The following KIAA1958 variants were observed in gnomAD, a reference collection of about 807,000 sequenced individuals.
KIAA1958 encodes the protein uncharacterized protein KIAA1958.
Under a neutral mutation model 47.2 loss-of-function variants are expected in KIAA1958, and 14 were observed. The ratio of observed to expected loss-of-function variants is 0.30; its 90% CI spans 0.20 to 0.46. KIAA1958 has a LOEUF of 0.46. Ranked by LOEUF, KIAA1958 falls within the 20% of genes least tolerant of loss-of-function variation. KIAA1958 has a pLI of 1.00. For synonymous variants in KIAA1958, 354 were observed against 353.3 expected (o/e 1.00, Z -0.02); for missense variants, 803 against 909.2 (o/e 0.88, Z 1.50).
chr9:112,591,153 G>A lies in KIAA1958; in HGVS notation c.1171+15902G>A, dbSNP rs574603022. 9.2e-5 allele frequency among the ~76,000 whole-genome samples: 14 copies of A among 152,084 alleles called. No individual in the cohort carries two copies. In the South Asian group the frequency reaches 1.2e-3, roughly 14 times the overall value. On this transcript the variant is annotated intron_variant, in intron 2 of 3. Transcript: ENST00000337530. ...GGCTGGAGTGCTGTGGTGCCACCTC[G>A]GCTCACTGCAAGCTCTGCCTCCCGG...
At chr9:112,617,121 TAAAAAG>T (rs72431332) in intron 2 of KIAA1958, among the ~76,000 whole-genome samples, 14,439 of 152,200 alleles carry the variant, frequency 0.095, 895 homozygotes, top group Middle Eastern at 0.18. Context: ...AATAAAGTAA[TAAAAAG>T]AAACAGTGGA....
chr9:112,547,694 A>G (rs1038179056), intron 1 of KIAA1958, among the ~76,000 whole-genome samples: 1 of 152,232 alleles, frequency 6.6e-6, no homozygotes, highest in African/African-American at 2.4e-5. Flanking sequence ...ATATTTTGAA[A>G]TGACCCTGCG....
chr9:112,574,339 A>T lies in KIAA1958; in HGVS notation c.259A>T (p.Ile87Leu), dbSNP rs765158426. 6 of 1,614,184 alleles carry T rather than the reference A, an allele frequency of 3.7e-6. No individual in the cohort carries two copies. Among genetic ancestry groups the T allele is most frequent in the Non-Finnish European group, 5.1e-6 (6 of 1,180,022 alleles). Residue 87 changes from isoleucine (I) to leucine (L), a missense_variant, in exon 2 of 4, where the codon ATA becomes TTA. Transcript: ENST00000337530. ...AAGTTTTAACTCTGATAGTCCCAGT[A>T]TAATCGGGGTGCCCTCTGAGACACA... Reference protein sequence around the residue: ...NRSFNSDSPSIIGVPSETQTS... With the variant: ...NRSFNSDSPSLIGVPSETQTS...
At chr9:112,593,907 C>G (rs1157723268) in intron 2 of KIAA1958, among the ~76,000 whole-genome samples, 2 of 151,814 alleles carry the variant, frequency 1.3e-5, no homozygotes, top group African/African-American at 4.8e-5. Flanking sequence ...CTCTGTCACC[C>G]AGGCTGGAGT....
chr9:112,526,906 T>G (rs1266204426), intron 1 of KIAA1958, among the ~76,000 whole-genome samples: 1 of 152,224 alleles, frequency 6.6e-6, no homozygotes, highest in Non-Finnish European at 1.5e-5. Context: ...AAATCCTCTC[T>G]GGACAGCTCC....
chr9:112,487,632 G>A (rs2132747820), intron 1 of KIAA1958, among the ~76,000 whole-genome samples: 1 of 152,300 alleles, frequency 6.6e-6, no homozygotes, highest in East Asian at 1.9e-4. Context: ...TGCGTTTGGG[G>A]CGTGTGTGAA....
chr9:112,519,306 A>G (rs960450633), intron 1 of KIAA1958, among the ~76,000 whole-genome samples: 2 of 152,154 alleles, frequency 1.3e-5, no homozygotes, highest in Non-Finnish European at 2.9e-5. Context: ...ATGTGCTATT[A>G]TCATACTTAT....
At chr9:112,542,906 G>A (rs1042815946) in intron 1 of KIAA1958, among the ~76,000 whole-genome samples, 3 of 152,212 alleles carry the variant, frequency 2.0e-5, no homozygotes. Context: ...GACTGGTATG[G>A]CAGGCAGTAT....
rs185427232 is a variant in KIAA1958 at position 112,599,371 on chromosome 9, C to T, written c.1171+24120C>T. Among the ~76,000 whole-genome samples, 7 of 52,736 alleles carry T rather than the reference C, an allele frequency of 1.3e-4. No individual in the cohort carries two copies. The East Asian group carries it at 2.5e-3, about 19-fold the overall frequency. 34.6% of individuals were successfully genotyped at this position (52,736 alleles called of 152,430 possible). On this transcript the variant is annotated intron_variant, in intron 2 of 3. Transcript: ENST00000337530. ...TAAATTAGAAGATGCTTATATACAG[C>T]AGATTTAAGGGTTTTGTAAACTCAC...
chr9:112,561,589 TCACCC>T (rs1358228496), intron 1 of KIAA1958, among the ~76,000 whole-genome samples: 13 of 151,992 alleles, frequency 8.6e-5, no homozygotes, highest in Non-Finnish European at 1.8e-4. Flanking sequence ...GTGCAGTGGC[TCACCC>T]CTGTAATCCC....
intron 3 of KIAA1958, among the ~76,000 whole-genome samples, chr9:112,647,518 A>T (rs1462736958): frequency 6.6e-6 from 1 of 152,240 alleles, no homozygotes; most frequent in Non-Finnish European, 1.5e-5. Flanking sequence ...ATGCATGAGG[A>T]TGAATAAAAA....
intron 2 of KIAA1958, among the ~76,000 whole-genome samples, chr9:112,597,801 T>C (rs1303478166): frequency 6.6e-6 from 1 of 152,246 alleles, no homozygotes; most frequent in Non-Finnish European, 1.5e-5. Flanking sequence ...GAGATCACTT[T>C]CATTTTCTTT....
intron 2 of KIAA1958, among the ~76,000 whole-genome samples, chr9:112,608,476 C>A (rs1564189259): frequency 6.6e-6 from 1 of 152,132 alleles, no homozygotes; most frequent in East Asian, 1.9e-4. Context: ...TAGTGGAGTA[C>A]CAAAATATGC....
intron 1 of KIAA1958, among the ~76,000 whole-genome samples, chr9:112,556,583 T>A (rs1835246375): frequency 1.3e-5 from 2 of 152,168 alleles, no homozygotes; most frequent in African/African-American, 4.8e-5. Context: ...AATCTTCCTG[T>A]CTCAGCCTCC....
At position 112,574,534 on chromosome 9, in the gene KIAA1958, T is replaced by C; in HGVS notation, c.454T>C (p.Ser152Pro). 6.2e-7 allele frequency: 1 copy of C among 1,614,116 alleles called. No individual in the cohort carries two copies. Residue 152 changes from serine to proline, a missense_variant, in exon 2 of 4, where the codon TCT becomes CCT. Ser to Pro is a moderately conservative substitution (Grantham distance 74, BLOSUM62 -1). This residue lies in a region of KIAA1958 where 761 missense variants were observed against 829.3 expected (regional missense o/e 0.92). Coordinates refer to ENST00000337530, the MANE Select transcript of KIAA1958 (RefSeq NM_133465.4). ...NTLFDMVCES[S>P]VTDEDSDFEP... Reference sequence around the variant, plus strand: ...CCTGTTTGACATGGTTTGTGAGTCTTCTGTTACAGATGAGGATAGTGACTT... The same window carrying C: ...CCTGTTTGACATGGTTTGTGAGTCTCCTGTTACAGATGAGGATAGTGACTT...
At chr9:112,581,589 A>G (rs1835735890) in intron 2 of KIAA1958, among the ~76,000 whole-genome samples, 1 of 152,194 alleles carries the variant, frequency 6.6e-6, no homozygotes, top group Non-Finnish European at 1.5e-5. Context: ...GGAGATTAAT[A>G]GGAAAGTCTA....
chr9:112,511,090 G>GT (rs1769911146), intron 1 of KIAA1958, among the ~76,000 whole-genome samples: 2 of 152,164 alleles, frequency 1.3e-5, no homozygotes, highest in Admixed American at 1.3e-4. Context: ...GCTTGCTTCT[G>GT]TTTCCTCAGC....
chr9:112,593,949 C>T (rs1404686941), intron 2 of KIAA1958, among the ~76,000 whole-genome samples: 4 of 151,940 alleles, frequency 2.6e-5, no homozygotes, highest in East Asian at 1.9e-4. Context: ...ACTACAGCCT[C>T]GAGCTCCTGG....
At chr9:112,523,996 T>G (rs1222839776) in intron 1 of KIAA1958, among the ~76,000 whole-genome samples, 1 of 152,234 alleles carries the variant, frequency 6.6e-6, no homozygotes, top group Non-Finnish European at 1.5e-5. Flanking sequence ...ATGGTGTGTA[T>G]GTGTGCATGC....
Sources: gnomAD v4.1 joint callset for allele counts (sites outside exome capture counted in the v4.1 genomes callset) on GRCh38, gnomAD v4.1.1 for gene constraint, gnomAD v4.1.1 regional missense constraint, MANE v1.5 for transcripts, NCBI Gene and HGNC (gene_info 2026-07-23, HGNC 2026-07-21) for gene names.